SDK1: variants seen among roughly 807,000 people sequenced by gnomAD.
SDK1 encodes the protein protein sidekick-1.
SDK1 carries 157 observed loss-of-function variants against 245.5 expected under a neutral mutation model. The ratio of observed to expected loss-of-function variants is 0.64; its 90% CI spans 0.56 to 0.73. The LOEUF (loss-of-function observed/expected upper bound fraction) is 0.73, where lower values mean the gene tolerates loss of function less well. SDK1 is among the 30% of genes least tolerant of loss of function. The pLI is 0.00. For missense variants in SDK1, 3,583 were observed against 3,002.3 expected, an observed-to-expected ratio of 1.19 and a Z score of -4.52; for synonymous variants, 1,647 against 1,278.5, an observed-to-expected ratio of 1.29 and a Z score of -6.15.
At chr7:4,078,559 G>A (rs1310252001) in intron 21 of SDK1, among the ~76,000 whole-genome samples, 9 of 152,168 alleles carry the variant, frequency 5.9e-5, no homozygotes, top group Admixed American at 5.9e-4. Flanking sequence ...CAGCAAATGA[G>A]GAAAGCATTC....
chr7:3,763,937 C>T lies in SDK1; in HGVS notation c.714-57513C>T, dbSNP rs141217402. Among the ~76,000 whole-genome samples, 27 of 152,244 alleles carry T rather than the reference C, an allele frequency of 1.8e-4. 2 individuals are homozygous for T. Among genetic ancestry groups the T allele is most frequent in the African/African-American group, 5.3e-4 (22 of 41,548 alleles). The stretch of plus-strand genomic sequence containing the variant: ...TATGAAATATCACTGCCACTGTTAC[C>T]TCAGACAGTTCTCTCATGCCCCTTC... On this transcript the variant is annotated intron_variant, in intron 4 of 44. Coordinates refer to ENST00000404826, the MANE Select transcript of SDK1 (RefSeq NM_152744.4).
chr7:3,342,576 G>C (rs752171604), intron 1 of SDK1, among the ~76,000 whole-genome samples: 4 of 150,798 alleles, frequency 2.7e-5, no homozygotes, highest in Non-Finnish European at 5.9e-5. Flanking sequence ...CAACAAGAGC[G>C]AAACTCCATC....
chr7:3,348,666 A>G (rs1241345638), intron 1 of SDK1, among the ~76,000 whole-genome samples: 1 of 152,164 alleles, frequency 6.6e-6, no homozygotes, highest in Non-Finnish European at 1.5e-5. Context: ...ATCCCCATGT[A>G]ACCTGTGTAT....
At chr7:3,549,071 CTT>C (rs762649591) in intron 1 of SDK1, among the ~76,000 whole-genome samples, 1 of 152,230 alleles carries the variant, frequency 6.6e-6, no homozygotes, top group Non-Finnish European at 1.5e-5. Flanking sequence ...TCTTACATGA[CTT>C]TAACTACTTG....
intron 35 of SDK1, among the ~76,000 whole-genome samples, chr7:4,183,656 AAAAG>A (rs1217238650): frequency 4.0e-5 from 6 of 151,864 alleles, no homozygotes; most frequent in Non-Finnish European, 7.4e-5. Context: ...AAAAAAAAAA[AAAAG>A]AAAGTATGCT....
chr7:3,574,218 G>C (rs1259290500), intron 1 of SDK1, among the ~76,000 whole-genome samples: 2 of 151,622 alleles, frequency 1.3e-5, no homozygotes, highest in African/African-American at 2.4e-5. Context: ...CTAGATTCAA[G>C]CAATTCTCCT....
intron 1 of SDK1, among the ~76,000 whole-genome samples, chr7:3,458,259 A>G (rs1780728960): frequency 6.6e-6 from 1 of 152,088 alleles, no homozygotes; most frequent in South Asian, 2.1e-4. Context: ...GAAAGAAGTA[A>G]TAAAATTATT....
At chr7:3,790,516 G>C (rs753452589) in intron 4 of SDK1, among the ~76,000 whole-genome samples, 12 of 152,100 alleles carry the variant, frequency 7.9e-5, no homozygotes, top group Non-Finnish European at 1.6e-4. Context: ...TGGTTAAAAA[G>C]TCTAACAGTC....
intron 4 of SDK1, among the ~76,000 whole-genome samples, chr7:3,759,375 T>C (rs1780027596): frequency 6.6e-6 from 1 of 152,134 alleles, no homozygotes; most frequent in African/African-American, 2.4e-5. Flanking sequence ...TAAATGTGTA[T>C]GTATTTTCTG....
At chr7:3,836,590 G>A (rs543087071) in intron 5 of SDK1, among the ~76,000 whole-genome samples, 15 of 152,318 alleles carry the variant, frequency 9.8e-5, no homozygotes, top group African/African-American at 3.6e-4. Context: ...ACATGTAGAA[G>A]CAACAGGCTA....
chr7:3,824,754 AAGAT>A (rs769596127), intron 5 of SDK1, among the ~76,000 whole-genome samples: 8 of 152,326 alleles, frequency 5.3e-5, no homozygotes, highest in Admixed American at 1.3e-4. Context: ...TGGGAAGCAA[AAGAT>A]AGATAGGTTT....
At chr7:3,409,330 A>G (rs1046812146) in intron 1 of SDK1, among the ~76,000 whole-genome samples, 80 of 145,792 alleles carry the variant, frequency 5.5e-4, no homozygotes, top group African/African-American at 2.0e-3. Flanking sequence ...CTTTGAGGCC[A>G]TCTGAACAAT....
chr7:3,806,281 AG>A, intron 4 of SDK1, among the ~76,000 whole-genome samples: 3 of 134,342 alleles, frequency 2.2e-5, no homozygotes, highest in African/African-American at 9.2e-5. Flanking sequence ...ACGTATCTCT[AG>A]GATGTGGATG....
chr7:4,265,835 T>C lies in SDK1; in HGVS notation c.*451T>C, dbSNP rs927046403. 3.5e-5 allele frequency: 35 copies of C among 994,280 alleles called. No homozygotes were observed. The highest frequency in any genetic ancestry group is 4.2e-5 in the Non-Finnish European group (35 of 836,772). 61.6% of individuals were successfully genotyped at this position (994,280 alleles called of 1,614,324 possible). A position where few individuals can be genotyped will look rare whatever the true frequency, so the allele number is the denominator to read the frequency against. ...CCAGAGAACCAGCGGCTCACACCCT[T>C]CTCAACGCAGGACATCCTCGGCGGC... On this transcript the variant is annotated 3_prime_UTR_variant, in exon 45 of 45. Coordinates refer to ENST00000404826, the MANE Select transcript of SDK1 (RefSeq NM_152744.4).
chr7:4,060,405 C>T (rs1288057327), intron 19 of SDK1, among the ~76,000 whole-genome samples: 1 of 152,148 alleles, frequency 6.6e-6, no homozygotes, highest in African/African-American at 2.4e-5. Context: ...GACTTAAAAA[C>T]AATACATGTG....
chr7:4,130,200 C>G (rs1784709661), intron 27 of SDK1, 103 bp downstream of exon 27: 1 of 1,298,996 alleles, frequency 7.7e-7, no homozygotes, highest in African/African-American at 1.5e-5. Flanking sequence ...AATTTTCAAA[C>G]CACTTTCTTT....
chr7:3,791,884 G>T (rs1315373473), intron 4 of SDK1, among the ~76,000 whole-genome samples: 1 of 152,098 alleles, frequency 6.6e-6, no homozygotes, highest in African/African-American at 2.4e-5. Flanking sequence ...AGCGCTTAGG[G>T]AGGGTGAAGC....
intron 5 of SDK1, among the ~76,000 whole-genome samples, chr7:3,870,372 C>T (rs1270790067): frequency 6.6e-6 from 1 of 152,066 alleles, no homozygotes; most frequent in African/African-American, 2.4e-5. Flanking sequence ...TGATGGCCAT[C>T]AGGAGTAAAA....
chr7:3,757,142 T>C (rs1050132147), intron 4 of SDK1, among the ~76,000 whole-genome samples: 1 of 152,136 alleles, frequency 6.6e-6, no homozygotes, highest in Non-Finnish European at 1.5e-5. Flanking sequence ...CATTGAGGGC[T>C]CAAAACTACC....
Sources: allele counts gnomAD v4.1 joint callset (sites outside exome capture counted in the v4.1 genomes callset), GRCh38; gene constraint gnomAD v4.1.1; transcripts MANE v1.5; gene names NCBI Gene and HGNC (gene_info 2026-07-23, HGNC 2026-07-21).